The following SDF4 variants were observed in gnomAD, a reference collection of about 807,000 sequenced individuals.
SDF4 encodes the protein stromal cell derived factor 4.
SDF4 carries 22 observed loss-of-function variants against 34.2 expected under a neutral mutation model. The observed-to-expected ratio is 0.64, with a 90% CI of 0.46 to 0.92. The LOEUF is 0.92. Among genes scored for constraint, SDF4 ranks in the 40% least tolerant of loss-of-function variants. SDF4 has a pLI of 0.00. For missense variants in SDF4, 447 were observed against 499.9 expected, an observed-to-expected ratio of 0.89 and a Z score of 1.01; for synonymous variants, 236 against 203.1, an observed-to-expected ratio of 1.16 and a Z score of -1.38.
chr1:1,221,353 G>T (rs1280421458), intron 4 of SDF4: 1 of 154,506 alleles, frequency 6.5e-6, no homozygotes, highest in East Asian at 1.9e-4. Flanking sequence ...AAATCCAAGA[G>T]TTTGAGACCT....
At chr1:1,219,051 T>G in intron 4 of SDF4, 124 bp from the exon 5 acceptor site, 1 of 1,587,892 alleles carries the variant, frequency 6.3e-7, no homozygotes, top group Non-Finnish European at 8.6e-7. Flanking sequence ...GGCCCCACCC[T>G]CCAGGATTCA....
Position 1,223,139 on chromosome 1 carries a change from G to A in SDF4, c.556+105C>T, listed in dbSNP as rs750995116. On this transcript the variant is annotated intron_variant, in intron 4 of 6. Transcript: ENST00000360001. The stretch of plus-strand genomic sequence containing the variant: ...CACACGTACTCACGAGCACACGCAC[G>A]GCACACTCATACACGACACACACGG... The A allele has an allele frequency of 3.5e-5, 28 of 808,730 alleles. No homozygotes were observed. The Middle Eastern group carries it at 9.3e-4, about 27-fold the overall frequency. The allele number at this position is 808,730 out of a possible 1,614,324, so 50.1% of individuals were successfully genotyped here. A position where few individuals can be genotyped will look rare whatever the true frequency, so the allele number is the denominator to read the frequency against.
intron 4 of SDF4, chr1:1,219,473 C>T (rs571749335): frequency 3.5e-5 from 35 of 999,304 alleles, no homozygotes; most frequent in Middle Eastern, 5.1e-4. Context: ...GTGCGCACGG[C>T]GCCGCGGGGC....
At chr1:1,224,370 C>G (rs963953404) in intron 2 of SDF4, among the ~76,000 whole-genome samples, 9 of 152,224 alleles carry the variant, frequency 5.9e-5, no homozygotes, top group Admixed American at 3.3e-4. Flanking sequence ...ACCTCCGCCT[C>G]CCGGGTTCAA....
At chr1:1,219,870 G>A (rs983917710) in intron 4 of SDF4, 23 of 985,740 alleles carry the variant, frequency 2.3e-5, no homozygotes, top group African/African-American at 7.0e-5. Flanking sequence ...CAGCCTCTGC[G>A]TCGCGCTCAC....
intron 4 of SDF4, chr1:1,219,205 C>T (rs541853803): frequency 1.8e-5 from 23 of 1,257,334 alleles, no homozygotes; most frequent in Admixed American, 1.0e-4. Flanking sequence ...CAGCCTGGAC[C>T]CCCCCCTGCC....
intron 1 of SDF4, among the ~76,000 whole-genome samples, chr1:1,230,699 T>A (rs1302282735): frequency 6.6e-6 from 1 of 152,182 alleles, no homozygotes; most frequent in East Asian, 1.9e-4. Context: ...CCTGAAGTGA[T>A]CCTCCTGCCT....
Position 1,219,202 on chromosome 1 carries a change from G to GCCCC in SDF4, c.557-276_557-275insGGGG, listed in dbSNP as rs1649744632. ...AGCCCGGACTCCCCAAGACAGCCTG[G>GCCCC]ACCCCCCCCTGCCCCAGACCCCCAA... On this transcript the variant is annotated intron_variant, in intron 4 of 6. Coordinates refer to ENST00000360001, the MANE Select transcript of SDF4 (RefSeq NM_016176.6). 4 of 1,254,800 alleles carry GCCCC rather than the reference G, an allele frequency of 3.2e-6. No homozygotes were observed. The African/African-American group carries it at 8.1e-5, about 26-fold the overall frequency. The allele number at this position is 1,254,800 out of a possible 1,614,324, so 77.7% of individuals were successfully genotyped here. A position where few individuals can be genotyped will look rare whatever the true frequency, so the allele number is the denominator to read the frequency against.
intron 1 of SDF4, among the ~76,000 whole-genome samples, chr1:1,229,936 C>T (rs1638440704): frequency 6.7e-6 from 1 of 149,376 alleles, no homozygotes; most frequent in South Asian, 2.1e-4. Context: ...GCACGTATTA[C>T]ACACATGTGC....
Position 1,220,420 on chromosome 1 carries a change from G to A in SDF4, c.557-1493C>T, listed in dbSNP as rs561265610. On this transcript the variant is annotated intron_variant, in intron 4 of 6. Coordinates refer to ENST00000360001, the MANE Select transcript of SDF4 (RefSeq NM_016176.6). ...GACTCACGCGGTGACCCTCGCAGGA[G>A]CCATGCAGGGAGGGGTGGGAGGTCG... 75 of 1,178,900 alleles carry A rather than the reference G, an allele frequency of 6.4e-5. 1 individual carries two copies. The highest frequency in any genetic ancestry group is 1.5e-4 in the Admixed American group (4 of 27,154). The allele number at this position is 1,178,900 out of a possible 1,614,324, so 73.0% of individuals were successfully genotyped here.
intron 1 of SDF4, among the ~76,000 whole-genome samples, chr1:1,231,483 T>C (rs1638498279): frequency 2.0e-5 from 3 of 152,258 alleles, no homozygotes; most frequent in Non-Finnish European, 4.4e-5. Flanking sequence ...CACAGCCGAC[T>C]TCACATCTCC....
intron 2 of SDF4, among the ~76,000 whole-genome samples, chr1:1,226,258 A>G (rs1638303909): frequency 6.6e-6 from 1 of 152,196 alleles, no homozygotes; most frequent in African/African-American, 2.4e-5. Flanking sequence ...GGTGCAGGGA[A>G]GCGGGAAGGA....
rs140304008 is a variant in SDF4 at position 1,223,292 on chromosome 1, C to A, written c.508G>T (p.Val170Phe). 2 of 1,614,018 alleles carry A rather than the reference C, an allele frequency of 1.2e-6. No individual in the cohort carries two copies. The highest frequency in any genetic ancestry group is 1.7e-5 in the Admixed American group (1 of 60,010). Residue 170 changes from valine to phenylalanine, a missense_variant, in exon 4 of 7, where the codon GTT becomes TTT. Coordinates refer to ENST00000360001, the MANE Select transcript of SDF4 (RefSeq NM_016176.6). ...TCGTTGAGCCTGATGGCGTCGGCAA[C>A]CTCCTTCTCGCTATGGCCTTTACTC... ...LASKGHSEKE[V>F]ADAIRLNEEL...
At chr1:1,224,207 C>T (rs966988489) in intron 2 of SDF4, among the ~76,000 whole-genome samples, 1 of 152,196 alleles carries the variant, frequency 6.6e-6, no homozygotes, top group African/African-American at 2.4e-5. Context: ...CACATGGACC[C>T]TCCCCCTCTG....
intron 1 of SDF4, among the ~76,000 whole-genome samples, chr1:1,231,458 A>G (rs1398670833): frequency 6.6e-6 from 1 of 152,258 alleles, no homozygotes; most frequent in South Asian, 2.1e-4. Context: ...TCTGAGCCAG[A>G]CATCAAGGGC....
In SDF4 at chr1:1,217,823, G is replaced by A. The variant is rs748773694; in HGVS notation, c.892-135C>T. The A allele has an allele frequency of 2.6e-6, 4 of 1,549,190 alleles. No homozygotes were observed. In the African/African-American group the frequency reaches 4.1e-5, roughly 16 times the overall value. On this transcript the variant is annotated intron_variant, in intron 6 of 6. Coordinates refer to ENST00000360001, the MANE Select transcript of SDF4 (RefSeq NM_016176.6). This position sits in a 1 kb window ranked among gnomAD's most constrained non-coding sequence, Gnocchi z 8.5. ...GCACGTTCTGGAAGGTTCCCGAAGG[G>A]AGGCGGCACAAATGAAAACACAGGG...
rs774298971 is a variant in SDF4, at chr1:1,223,263, T to C, written c.537A>G (p.Glu179=). 3 of 1,613,738 alleles carry C rather than the reference T, an allele frequency of 1.9e-6. No homozygotes were observed. Among genetic ancestry groups the C allele is most frequent in the African/African-American group, 2.7e-5 (2 of 74,932 alleles). Residue 179 remains glutamate (E), a synonymous_variant, in exon 4 of 7, where the codon GAA becomes GAG. Coordinates refer to ENST00000360001, the MANE Select transcript of SDF4 (RefSeq NM_016176.6). ...EVADAIRLNE[E]LKVDEETQEV... is the part of the protein sequence containing the mutation. ...ACTCACTTTCCTCATCCACTTTGAGTTCCTCGTTGAGCCTGATGGCGTCGG... is the reference window on the plus strand; with the variant it reads ...ACTCACTTTCCTCATCCACTTTGAGCTCCTCGTTGAGCCTGATGGCGTCGG...
chr1:1,223,390 T>C, intron 3 of SDF4, 33 bp from the exon 4 acceptor site: 1 of 1,443,572 alleles, frequency 6.9e-7, no homozygotes, highest in South Asian at 1.2e-5. Flanking sequence ...TCAGGGCCTC[T>C]GATACTGAGC....
chr1:1,219,808 C>T, intron 4 of SDF4: 3 of 985,920 alleles, frequency 3.0e-6, no homozygotes, highest in Non-Finnish European at 3.6e-6. Context: ...ACTCAGCCCC[C>T]TGCACGTGAG....
Sources: gnomAD v4.1 joint callset for allele counts (sites outside exome capture counted in the v4.1 genomes callset) on GRCh38, gnomAD v4.1.1 for gene constraint, Gnocchi (gnomAD v3.1) non-coding constraint, MANE v1.5 for transcripts, NCBI Gene and HGNC (gene_info 2026-07-23, HGNC 2026-07-21) for gene names.